SLC8A1: variants seen among roughly 807,000 people sequenced by gnomAD.
SLC8A1 encodes the protein sodium/calcium exchanger 1.
A neutral mutation model predicts 68.3 loss-of-function variants in SLC8A1; 18 were observed. The ratio of observed to expected loss-of-function variants is 0.26; its 90% CI spans 0.18 to 0.39. The LOEUF (loss-of-function observed/expected upper bound fraction) is 0.39, where lower values mean the gene tolerates loss of function less well. Among genes scored for constraint, SLC8A1 ranks in the 10% least tolerant of loss-of-function variants. The pLI, the probability that SLC8A1 is intolerant of heterozygous loss-of-function variation, is 1.00. For missense variants in SLC8A1, 985 were observed against 1,156.7 expected (o/e 0.85, Z 2.15); for synonymous variants, 475 against 415.5 (o/e 1.14, Z -1.74).
At chr2:40,179,459 A>G (rs995242983) in intron 2 of SLC8A1, among the ~76,000 whole-genome samples, 16 of 152,222 alleles carry the variant, frequency 1.1e-4, no homozygotes, top group African/African-American at 3.4e-4. Flanking sequence ...AGCATTCTTG[A>G]TGACTCTGAA....
At chr2:40,204,752 T>C (rs1488759906) in intron 2 of SLC8A1, among the ~76,000 whole-genome samples, 1 of 152,066 alleles carries the variant, frequency 6.6e-6, no homozygotes, top group African/African-American at 2.4e-5. Context: ...TTACTCAATA[T>C]ATCCAACATA....
intron 2 of SLC8A1, among the ~76,000 whole-genome samples, chr2:40,341,468 G>A (rs918740690): frequency 6.6e-6 from 1 of 152,148 alleles, no homozygotes; most frequent in Non-Finnish European, 1.5e-5. Context: ...CATCTTTGCA[G>A]GTTACTCTAT....
intron 1 of SLC8A1, among the ~76,000 whole-genome samples, chr2:40,440,497 C>T (rs1700264659): frequency 6.6e-6 from 1 of 152,042 alleles, no homozygotes; most frequent in Non-Finnish European, 1.5e-5. Flanking sequence ...AAAAATCAAA[C>T]GTCTTTTATG....
At chr2:40,226,608 C>A (rs1341626871) in intron 2 of SLC8A1, among the ~76,000 whole-genome samples, 1 of 152,136 alleles carries the variant, frequency 6.6e-6, no homozygotes, top group African/African-American at 2.4e-5. Context: ...CTTCCCTCCA[C>A]TCTAGAGGCA....
intron 2 of SLC8A1, among the ~76,000 whole-genome samples, chr2:40,312,957 C>G (rs372462260): frequency 6.6e-6 from 1 of 152,140 alleles, no homozygotes; most frequent in African/African-American, 2.4e-5. Context: ...TACATACACA[C>G]ATATGTATAT....
chr2:40,486,079 T>C (rs377171691), intron 1 of SLC8A1, among the ~76,000 whole-genome samples: 3 of 152,154 alleles, frequency 2.0e-5, no homozygotes, highest in South Asian at 2.1e-4. Context: ...GTTCTCGTGA[T>C]AGTGAGTGAG....
At chr2:40,325,371 C>T (rs1167079966) in intron 2 of SLC8A1, among the ~76,000 whole-genome samples, 1 of 152,280 alleles carries the variant, frequency 6.6e-6, no homozygotes, top group East Asian at 1.9e-4. Flanking sequence ...GCCCAGGGAG[C>T]TGCTTTTCCC....
At chr2:40,190,700 G>A (rs1030861235) in intron 2 of SLC8A1, 2 of 152,058 alleles carry the variant, frequency 1.3e-5, no homozygotes, top group African/African-American at 4.8e-5. Flanking sequence ...TTGAATCTTG[G>A]CCTGAAAGAT....
chr2:40,335,067 G>T (rs1180526405), intron 2 of SLC8A1, among the ~76,000 whole-genome samples: 1 of 152,122 alleles, frequency 6.6e-6, no homozygotes, highest in Non-Finnish European at 1.5e-5. Flanking sequence ...CTCCCATTTT[G>T]TAAACAGTCA....
intron 2 of SLC8A1, among the ~76,000 whole-genome samples, chr2:40,381,834 G>GACTGCCTA (rs1464323848): frequency 1.3e-5 from 2 of 150,814 alleles, no homozygotes; most frequent in Non-Finnish European, 2.9e-5. Context: ...CACCTATCAT[G>GACTGCCTA]ACTGCCTAAC....
intron 3 of SLC8A1, chr2:40,175,953 G>C (rs901883110): frequency 6.8e-6 from 3 of 444,390 alleles, no homozygotes; most frequent in Non-Finnish European, 1.4e-5. Context: ...CCTTATCTGT[G>C]ACTTCTGTAC....
At chr2:40,184,609 G>C (rs1003726994) in intron 2 of SLC8A1, among the ~76,000 whole-genome samples, 9 of 152,146 alleles carry the variant, frequency 5.9e-5, no homozygotes, top group African/African-American at 2.2e-4. Flanking sequence ...TATCTGGAAA[G>C]TAGACAAACT....
At chr2:40,359,307 A>G (rs1558654) in intron 2 of SLC8A1, among the ~76,000 whole-genome samples, 73,318 of 152,026 alleles carry the variant, frequency 0.48, 18,600 homozygotes, top group Admixed American at 0.59. Context: ...ATTAAAATTA[A>G]TTTCACCTAT....
chr2:40,441,662 G>A (rs544119574), intron 1 of SLC8A1, among the ~76,000 whole-genome samples: 2 of 152,134 alleles, frequency 1.3e-5, no homozygotes, highest in Non-Finnish European at 2.9e-5. Flanking sequence ...AACCAGCAAT[G>A]GGGAAAGGAT....
intron 7 of SLC8A1, chr2:40,118,318 T>G (rs1441058495): frequency 3.3e-5 from 5 of 152,250 alleles, no homozygotes; most frequent in Admixed American, 2.6e-4. Flanking sequence ...TTAGTTCATT[T>G]CAGGTGGCCC....
chr2:40,186,552 T>C (rs1333320999), intron 2 of SLC8A1, among the ~76,000 whole-genome samples: 1 of 152,204 alleles, frequency 6.6e-6, no homozygotes, highest in Non-Finnish European at 1.5e-5. Context: ...TCTACTAATA[T>C]TTTTACATCA....
At chr2:40,398,289 C>G (rs754486700) in intron 2 of SLC8A1, among the ~76,000 whole-genome samples, 8 of 152,134 alleles carry the variant, frequency 5.3e-5, no homozygotes, top group Non-Finnish European at 8.8e-5. Flanking sequence ...AGAGGAGTCT[C>G]TCAGCACTAC....
rs566856411 is a variant in SLC8A1, at chr2:40,442,936, G to C, written c.-25+8968C>G. On this transcript the variant is annotated intron_variant, in intron 1 of 7. Transcript: ENST00000406785. ...ATACTATGCAGCCATAACAAGGAGT[G>C]AGATCATGTCCTCTGCAGGGACATG... 7.9e-5 allele frequency among the ~76,000 whole-genome samples: 12 copies of C among 152,288 alleles called. No individual in the cohort carries two copies. In the South Asian group the frequency reaches 2.1e-3, roughly 26 times the overall value.
chr2:40,179,937 C>T (rs2049154813), intron 2 of SLC8A1, among the ~76,000 whole-genome samples: 1 of 152,080 alleles, frequency 6.6e-6, no homozygotes, highest in African/African-American at 2.4e-5. Flanking sequence ...TCCCTGAAAC[C>T]CAATAACGTA....
Sources: allele counts gnomAD v4.1 joint callset (sites outside exome capture counted in the v4.1 genomes callset), GRCh38; gene constraint gnomAD v4.1.1; transcripts MANE v1.5; gene names NCBI Gene and HGNC (gene_info 2026-07-23, HGNC 2026-07-21).